Variants in CREB5 observed in about 807,000 individuals in gnomAD.
The protein encoded by CREB5 is cAMP responsive element binding protein 5.
Under a neutral mutation model 57.1 loss-of-function variants are expected in CREB5, and 19 were observed. The observed-to-expected ratio is 0.33, with a 90% CI of 0.23 to 0.49. The LOEUF is 0.49. CREB5 is among the 20% of genes least tolerant of loss of function. CREB5 has a pLI of 0.99. For missense variants in CREB5, 579 were observed against 671.6 expected (o/e 0.86, Z 1.52); for synonymous variants, 238 against 238.3 (o/e 1.00, Z 0.01).
chr7:28,536,406 A>G (rs1398061665), intron 4 of CREB5, among the ~76,000 whole-genome samples: 1 of 152,114 alleles, frequency 6.6e-6, no homozygotes, highest in Non-Finnish European at 1.5e-5. Context: ...CTGCTTGCCA[A>G]CTGCAGCGCT....
chr7:28,545,063 C>T (rs964582323), intron 4 of CREB5, among the ~76,000 whole-genome samples: 3 of 152,040 alleles, frequency 2.0e-5, no homozygotes, highest in Non-Finnish European at 4.4e-5. Flanking sequence ...TTGTCTGTCA[C>T]CAGGAAGGAG....
intron 5 of CREB5, among the ~76,000 whole-genome samples, chr7:28,611,074 CT>C (rs1260764786): frequency 6.6e-6 from 1 of 152,006 alleles, no homozygotes; most frequent in East Asian, 1.9e-4. Context: ...GGAAATATGT[CT>C]TCCTCTTAAA....
intron 1 of CREB5, among the ~76,000 whole-genome samples, chr7:28,382,736 C>G (rs989055560): frequency 2.0e-5 from 3 of 151,974 alleles, no homozygotes; most frequent in Non-Finnish European, 4.4e-5. Context: ...TTGGTCTATT[C>G]TCAACACCCC....
At chr7:28,529,341 C>A (rs908682418) in intron 4 of CREB5, among the ~76,000 whole-genome samples, 1 of 152,168 alleles carries the variant, frequency 6.6e-6, no homozygotes, top group African/African-American at 2.4e-5. Flanking sequence ...CCTGTGCTCC[C>A]TGCAGAGGAC....
intron 5 of CREB5, among the ~76,000 whole-genome samples, chr7:28,575,907 T>C (rs1795892411): frequency 6.6e-6 from 1 of 151,980 alleles, no homozygotes; most frequent in Admixed American, 6.5e-5. Flanking sequence ...CGGGGTTTTA[T>C]GTGTGGAACG....
At chr7:28,737,538 CGTATATATATATATAT>C (rs1383292663) in intron 7 of CREB5, among the ~76,000 whole-genome samples, 49 of 47,912 alleles carry the variant, frequency 1.0e-3, no homozygotes, top group African/African-American at 2.5e-3. Context: ...TATATATATA[CGTATATATATATATAT>C]ATATATATAT....
intron 1 of CREB5, among the ~76,000 whole-genome samples, chr7:28,449,835 A>T (rs1176147630): frequency 6.6e-6 from 1 of 152,122 alleles, no homozygotes; most frequent in Admixed American, 6.5e-5. Context: ...AAGGTTGATA[A>T]CTCTGTCTGT....
chr7:28,417,337 T>C (rs1297270934), intron 1 of CREB5, among the ~76,000 whole-genome samples: 2 of 148,790 alleles, frequency 1.3e-5, no homozygotes, highest in Non-Finnish European at 3.0e-5. Context: ...CTACTTTACA[T>C]TCTCTCTTTC....
At chr7:28,586,934 C>A (rs1424993060) in intron 5 of CREB5, among the ~76,000 whole-genome samples, 2 of 152,202 alleles carry the variant, frequency 1.3e-5, no homozygotes, top group African/African-American at 4.8e-5. Flanking sequence ...AGTGTCCTGG[C>A]AGCATCCCAC....
chr7:28,799,663 ATTT>A (rs749326797), intron 7 of CREB5, among the ~76,000 whole-genome samples: 1 of 152,192 alleles, frequency 6.6e-6, no homozygotes, highest in Non-Finnish European at 1.5e-5. Context: ...TCCTACATAG[ATTT>A]TTTTATTTTC....
chr7:28,660,241 A>T (rs936177297), intron 5 of CREB5, among the ~76,000 whole-genome samples: 1 of 152,198 alleles, frequency 6.6e-6, no homozygotes, highest in Non-Finnish European at 1.5e-5. Flanking sequence ...AAAATAACAG[A>T]ATTCAGAATG....
chr7:28,807,398 G>A (rs755629525), intron 8 of CREB5, among the ~76,000 whole-genome samples: 4 of 152,170 alleles, frequency 2.6e-5, no homozygotes, highest in Admixed American at 6.5e-5. Flanking sequence ...GCAGTGAACC[G>A]AAATCGCGCC....
intron 5 of CREB5, among the ~76,000 whole-genome samples, chr7:28,643,499 A>T (rs1798763305): frequency 3.3e-5 from 5 of 152,110 alleles, no homozygotes; most frequent in Admixed American, 2.6e-4. Flanking sequence ...CCTTACACAG[A>T]TAGATACACA....
At chr7:28,761,522 T>A (rs1238258351) in intron 7 of CREB5, among the ~76,000 whole-genome samples, 1 of 152,000 alleles carries the variant, frequency 6.6e-6, no homozygotes, top group Non-Finnish European at 1.5e-5. Flanking sequence ...ATGGCATAAA[T>A]CCCCAACCAG....
rs767976176 is a variant in CREB5 at position 28,821,636 on chromosome 7, T to A, written c.*2357T>A. The A allele has an allele frequency of 2.0e-5, 3 of 152,180 alleles. No individual in the cohort carries two copies. The highest frequency in any genetic ancestry group is 4.4e-5 in the Non-Finnish European group (3 of 68,022). 9.4% of individuals were successfully genotyped at this position (152,180 alleles called of 1,614,324 possible). ...GAATGGTTTAATCTGACTGGCTTCCTAAGAAATGTTTAAGACTCAGCTTTA... is the reference window on the plus strand; with the variant it reads ...GAATGGTTTAATCTGACTGGCTTCCAAAGAAATGTTTAAGACTCAGCTTTA... On this transcript the variant is annotated 3_prime_UTR_variant, in exon 11 of 11. Coordinates refer to ENST00000357727, the MANE Select transcript of CREB5 (RefSeq NM_182898.4).
At chr7:28,590,128 C>G (rs575372569) in intron 5 of CREB5, among the ~76,000 whole-genome samples, 1 of 152,220 alleles carries the variant, frequency 6.6e-6, no homozygotes, top group East Asian at 1.9e-4. Flanking sequence ...GGCGATTCCT[C>G]AGGGATCTAG....
chr7:28,443,288 G>T (rs1457481816), intron 1 of CREB5, among the ~76,000 whole-genome samples: 1 of 152,168 alleles, frequency 6.6e-6, no homozygotes, highest in Non-Finnish European at 1.5e-5. Flanking sequence ...TTTACATTAT[G>T]GCTGAAGAAC....
At chr7:28,376,137 G>A (rs1786818181) in intron 1 of CREB5, among the ~76,000 whole-genome samples, 1 of 152,156 alleles carries the variant, frequency 6.6e-6, no homozygotes. Context: ...CTGTATGCTG[G>A]TGCCAATCAT....
intron 1 of CREB5, among the ~76,000 whole-genome samples, chr7:28,413,957 G>A (rs1312599376): frequency 6.6e-6 from 1 of 151,860 alleles, no homozygotes; most frequent in Non-Finnish European, 1.5e-5. Context: ...TAGCAATGAG[G>A]TATCACAATC....
Sources: allele counts gnomAD v4.1 joint callset (sites outside exome capture counted in the v4.1 genomes callset), GRCh38; gene constraint gnomAD v4.1.1; transcripts MANE v1.5; gene names NCBI Gene and HGNC (gene_info 2026-07-23, HGNC 2026-07-21).